The following SPTBN1 variants were observed in gnomAD, a reference collection of about 807,000 sequenced individuals.
SPTBN1 encodes the protein spectrin beta chain, non-erythrocytic 1.
Under a neutral mutation model 266.4 loss-of-function variants are expected in SPTBN1, and 32 were observed. The ratio of observed to expected loss-of-function variants is 0.12; its 90% confidence interval spans 0.09 to 0.16. The LOEUF is 0.16. Among genes scored for constraint, SPTBN1 ranks in the 10% least tolerant of loss-of-function variants. The pLI, the probability that SPTBN1 is intolerant of heterozygous loss-of-function variation, is 1.00. For synonymous variants in SPTBN1, 1,336 were observed against 1,162.2 expected, an observed-to-expected ratio of 1.15 and a Z score of -3.04; for missense variants, 2,296 against 3,067.1, an observed-to-expected ratio of 0.75 and a Z score of 5.94.
rs76779669 is a variant in SPTBN1, at chr2:54,474,090, T to C, written c.-48+17572T>C. On this transcript the variant is annotated intron_variant, in intron 1 of 35. Coordinates refer to ENST00000356805, the MANE Select transcript of SPTBN1 (RefSeq NM_003128.3). ...AGGCCCACATGGAAGTTCATACCAC[T>C]GGTAGGTGGAGTAATGAGTTGGTGT... is the stretch of plus-strand genomic sequence containing the variant. 5.3e-3 allele frequency among the ~76,000 whole-genome samples: 813 copies of C among 152,292 alleles called. 4 individuals carry two copies. Among genetic ancestry groups the C allele is most frequent in the Non-Finnish European group, 9.2e-3 (627 of 68,002 alleles).
In SPTBN1 at chr2:54,669,032, A is replaced by AC. The variant is rs1461309422; in HGVS notation, c.*465dup. On this transcript the variant is annotated 3_prime_UTR_variant, in exon 36 of 36. Transcript: ENST00000356805. ...CTTAGAAGTGCCCGAGATGGGGCTA[A>AC]CCTTTATTAAACAGATCGCATATTA... 1 of 188,500 alleles carries AC rather than the reference A, an allele frequency of 5.3e-6. No individual in the cohort carries two copies. The highest frequency in any genetic ancestry group is 1.1e-5 in the Non-Finnish European group (1 of 89,692). 11.7% of individuals were successfully genotyped at this position (188,500 alleles called of 1,614,324 possible).
chr2:54,642,592 A>G (rs1558460758), intron 18 of SPTBN1, among the ~76,000 whole-genome samples: 1 of 151,440 alleles, frequency 6.6e-6, no homozygotes, highest in Non-Finnish European at 1.5e-5. Flanking sequence ...AAATGGAGTA[A>G]AAGTCAATCA....
At chr2:54,522,715 A>G (rs918866446) in intron 1 of SPTBN1, among the ~76,000 whole-genome samples, 44 of 138,950 alleles carry the variant, frequency 3.2e-4, no homozygotes, top group South Asian at 4.6e-4. Flanking sequence ...AAGAAAGGAA[A>G]GAAAGAAAGA....
Position 54,645,121 on chromosome 2 carries a change from G to C in SPTBN1, c.4270-108G>C. ...GGCAAAATGTTTGAGTGGCTCCCAT[G>C]GCTGGCTTTGCGGTGTGGCCAAGTC... On this transcript the variant is annotated intron_variant, in intron 20 of 35. Transcript: ENST00000356805. The surrounding 1 kb of genome is among the most constrained non-coding windows in gnomAD (Gnocchi z 4.3). 1 of 1,129,436 alleles carries C rather than the reference G, an allele frequency of 8.9e-7. No individual in the cohort carries two copies. The highest frequency in any genetic ancestry group is 2.4e-5 in the East Asian group (1 of 41,728). The allele number at this position is 1,129,436 out of a possible 1,614,324, so 70.0% of individuals were successfully genotyped here. A position where few individuals can be genotyped will look rare whatever the true frequency, so the allele number is the denominator to read the frequency against.
At chr2:54,467,489 G>C (rs1409032586) in intron 1 of SPTBN1, among the ~76,000 whole-genome samples, 1 of 152,122 alleles carries the variant, frequency 6.6e-6, no homozygotes, top group Admixed American at 6.6e-5. Context: ...CCGCCTCCCA[G>C]GTTCAAGCGA....
chr2:54,500,975 T>C (rs1391960550), intron 1 of SPTBN1, among the ~76,000 whole-genome samples: 1 of 152,226 alleles, frequency 6.6e-6, no homozygotes, highest in East Asian at 1.9e-4. Flanking sequence ...ACGAGGAAAT[T>C]GAGGCCCTGA....
chr2:54,502,005 T>C (rs1234490505), intron 1 of SPTBN1, among the ~76,000 whole-genome samples: 1 of 152,234 alleles, frequency 6.6e-6, no homozygotes, highest in Non-Finnish European at 1.5e-5. Context: ...ATTAAGGAGC[T>C]TTGGTTCATT....
At chr2:54,564,973 T>C (rs4455199) in intron 2 of SPTBN1, among the ~76,000 whole-genome samples, 121,406 of 152,166 alleles carry the variant, frequency 0.8, 49,116 homozygotes, top group African/African-American at 0.93. Context: ...GTCAGTGTTA[T>C]AGACTCCCTT....
At chr2:54,480,102 C>T (rs7602152) in intron 1 of SPTBN1, among the ~76,000 whole-genome samples, 18 of 152,166 alleles carry the variant, frequency 1.2e-4, no homozygotes, top group South Asian at 4.1e-4. Flanking sequence ...TTTTCAGCTA[C>T]GTGTATATGT....
chr2:54,557,267 T>G (rs532630818), intron 2 of SPTBN1, among the ~76,000 whole-genome samples: 17 of 152,136 alleles, frequency 1.1e-4, no homozygotes, highest in Non-Finnish European at 1.9e-4. Flanking sequence ...GGGGACCACG[T>G]CTTTACTACA....
intron 3 of SPTBN1, among the ~76,000 whole-genome samples, chr2:54,610,353 C>T (rs1265247157): frequency 6.6e-6 from 1 of 152,142 alleles, no homozygotes; most frequent in Non-Finnish European, 1.5e-5. Context: ...TTTCTCAAAT[C>T]ATATTAGTCC....
At chr2:54,525,610 A>G (rs1050863197) in intron 1 of SPTBN1, among the ~76,000 whole-genome samples, 1 of 152,266 alleles carries the variant, frequency 6.6e-6, no homozygotes, top group African/African-American at 2.4e-5. Context: ...TAGTTCTCTT[A>G]TATAACATTT....
rs568282900 is a variant in SPTBN1, at chr2:54,557,435, TCAATTTCC to T, written c.148+30873_148+30880del. Among the ~76,000 whole-genome samples, 7 of 152,004 alleles carry T rather than the reference TCAATTTCC, an allele frequency of 4.6e-5. No homozygotes were observed. In the South Asian group the frequency reaches 1.5e-3, roughly 32 times the overall value. On this transcript the variant is annotated intron_variant, in intron 2 of 35. Coordinates refer to ENST00000356805, the MANE Select transcript of SPTBN1 (RefSeq NM_003128.3). ...GGAGAGAGAGGGGGGAGATCTAGAG[TCAATTTCC>T]CAAGAATACATTTTGATCATTCTCT...
Position 54,646,997 on chromosome 2 carries a change from G to C in SPTBN1, c.4867-134G>C. ...TCTTGGAACACTTCTGTGTTCCACT[G>C]TCCGTACTGCACCTCTGGAGTTTTT... On this transcript the variant is annotated intron_variant, in intron 23 of 35. Transcript: ENST00000356805. This position sits in a 1 kb window ranked among gnomAD's most constrained non-coding sequence, Gnocchi z 4.4. The C allele has an allele frequency of 3.1e-6, 4 of 1,303,708 alleles. No homozygotes were observed. The South Asian group carries it at 5.6e-5, about 18-fold the overall frequency. 80.8% of individuals were successfully genotyped at this position (1,303,708 alleles called of 1,614,324 possible). A position where few individuals can be genotyped will look rare whatever the true frequency, so the allele number is the denominator to read the frequency against.
At chr2:54,655,690 A>G (rs1417461731) in intron 28 of SPTBN1, among the ~76,000 whole-genome samples, 2 of 152,224 alleles carry the variant, frequency 1.3e-5, no homozygotes, top group African/African-American at 2.4e-5. Flanking sequence ...ACGACAAAAC[A>G]GCTTTGGCAG....
In SPTBN1 at chr2:54,649,500, G is replaced by A. The variant is rs1184039888; in HGVS notation, c.5203-115G>A. The A allele has an allele frequency of 7.0e-7, 1 of 1,436,520 alleles. No individual in the cohort carries two copies. The highest frequency in any genetic ancestry group is 9.3e-7 in the Non-Finnish European group (1 of 1,075,242). The allele number at this position is 1,436,520 out of a possible 1,614,324, so 89.0% of individuals were successfully genotyped here. A position where few individuals can be genotyped will look rare whatever the true frequency, so the allele number is the denominator to read the frequency against. ...AAGATCTATTGTTCTGAAGTCATGA[G>A]TATTATTGGCTACATCTTGCTTAGA... On this transcript the variant is annotated intron_variant, in intron 25 of 35. Coordinates refer to ENST00000356805, the MANE Select transcript of SPTBN1 (RefSeq NM_003128.3). This position sits in a 1 kb window ranked among gnomAD's most constrained non-coding sequence, Gnocchi z 6.7.
rs1456600278 is a variant in SPTBN1, at chr2:54,629,630, G to A, written c.2496G>A (p.Lys832=). The stretch of plus-strand genomic sequence containing the variant: ...TGTCGGGCATCGAGGAGCGGTATAA[G>A]GAGGTGGCAGAGCTGACGCGGCTGC... The part of the protein sequence containing the change: ...GRLSGIEERY[K]EVAELTRLRK... Residue 832 remains lysine, a synonymous_variant, in exon 14 of 36, where the codon AAG becomes AAA. Transcript: ENST00000356805. The A allele has an allele frequency of 2.5e-6, 4 of 1,613,854 alleles. No homozygotes were observed. The East Asian group carries it at 6.7e-5, about 27-fold the overall frequency.
chr2:54,470,939 T>G lies in SPTBN1; in HGVS notation c.-48+14421T>G, dbSNP rs532136015. On this transcript the variant is annotated intron_variant, in intron 1 of 35. Coordinates refer to ENST00000356805, the MANE Select transcript of SPTBN1 (RefSeq NM_003128.3). The stretch of plus-strand genomic sequence containing the variant: ...CAAATTTGTAAACTTTCTTAAAACA[T>G]TATGAGATATTTTTTGTGATATTTA... 2.6e-5 allele frequency among the ~76,000 whole-genome samples: 4 copies of G among 152,356 alleles called. No homozygotes were observed. The East Asian group carries it at 7.7e-4, about 29-fold the overall frequency.
rs1298211348 is a variant in SPTBN1, at chr2:54,671,146, G to T, written c.*2577G>T. On this transcript the variant is annotated 3_prime_UTR_variant, in exon 36 of 36. Coordinates refer to ENST00000356805, the MANE Select transcript of SPTBN1 (RefSeq NM_003128.3). ...AGGATATGAAATGGCGTTGTCACTT[G>T]AATCAAGGCCACTTTTTGTCCTACT... The T allele has an allele frequency of 2.4e-5, 5 of 204,120 alleles. No homozygotes were observed. The allele number at this position is 204,120 out of a possible 1,614,324, so 12.6% of individuals were successfully genotyped here.
Sources: gnomAD v4.1 joint callset for allele counts (sites outside exome capture counted in the v4.1 genomes callset) on GRCh38, gnomAD v4.1.1 for gene constraint, Gnocchi (gnomAD v3.1) non-coding constraint, MANE v1.5 for transcripts, NCBI Gene and HGNC (gene_info 2026-07-23, HGNC 2026-07-21) for gene names.